Variants in CCDC60 observed in about 807,000 individuals in gnomAD.
CCDC60 encodes the protein coiled-coil domain-containing protein 60.
A neutral mutation model predicts 63.5 loss-of-function variants in CCDC60; 54 were observed. The ratio of observed to expected loss-of-function variants is 0.85; its 90% CI spans 0.68 to 1.07. The LOEUF is 1.07. CCDC60 is among the 50% of genes least tolerant of loss of function. The pLI is 0.00. For synonymous variants in CCDC60, 206 were observed against 238.8 expected, an observed-to-expected ratio of 0.86 and a Z score of 1.27; for missense variants, 651 against 684.3, an observed-to-expected ratio of 0.95 and a Z score of 0.54.
intron 2 of CCDC60, among the ~76,000 whole-genome samples, chr12:119,467,738 G>T (rs1289449583): frequency 1.3e-5 from 2 of 152,240 alleles, no homozygotes; most frequent in African/African-American, 4.8e-5. Context: ...AAAAGCAGTT[G>T]CTGTCACATC....
rs370718955 is a variant in CCDC60 at position 119,442,112 on chromosome 12, C to T, written c.170+13350C>T. ...AGGAATAGCCCCTATTTTGGCAGCT[C>T]AACTTGCAACAATTTTCTATGCATT... On this transcript the variant is annotated intron_variant, in intron 2 of 13. Coordinates refer to ENST00000327554, the MANE Select transcript of CCDC60 (RefSeq NM_178499.5). 6.6e-5 allele frequency among the ~76,000 whole-genome samples: 10 copies of T among 152,178 alleles called. No individual in the cohort carries two copies. The East Asian group carries it at 9.7e-4, about 15-fold the overall frequency.
chr12:119,508,522 T>C (rs577629232), intron 7 of CCDC60, among the ~76,000 whole-genome samples: 1 of 150,022 alleles, frequency 6.7e-6, no homozygotes, highest in Admixed American at 6.6e-5. Flanking sequence ...CAGTTGCATA[T>C]AGTATGAGCT....
At chr12:119,438,752 G>T (rs1447205988) in intron 2 of CCDC60, among the ~76,000 whole-genome samples, 1 of 152,174 alleles carries the variant, frequency 6.6e-6, no homozygotes, top group African/African-American at 2.4e-5. Flanking sequence ...GAGCTATGCA[G>T]ACAGAGAGAC....
chr12:119,400,095 G>T (rs1352452268), intron 1 of CCDC60, among the ~76,000 whole-genome samples: 1 of 147,458 alleles, frequency 6.8e-6, no homozygotes, highest in African/African-American at 2.5e-5. Context: ...TGTCGCCCAG[G>T]CTGGAGTGCA....
At chr12:119,530,740 A>G in intron 12 of CCDC60, 134 bp from the exon 13 acceptor site, 1 of 607,922 alleles carries the variant, frequency 1.6e-6, no homozygotes, top group Non-Finnish European at 2.9e-6. Flanking sequence ...TCACAGAGGA[A>G]AGGTCCCTAG....
At chr12:119,372,662 CT>C (rs1955909272) in intron 1 of CCDC60, among the ~76,000 whole-genome samples, 1 of 152,204 alleles carries the variant, frequency 6.6e-6, no homozygotes, top group Non-Finnish European at 1.5e-5. Flanking sequence ...AGAGAGATAT[CT>C]CGGTGCTTGA....
intron 1 of CCDC60, among the ~76,000 whole-genome samples, chr12:119,335,805 T>C (rs932568658): frequency 6.6e-6 from 1 of 151,412 alleles, no homozygotes; most frequent in African/African-American, 2.4e-5. Flanking sequence ...TTAGTTTAAT[T>C]AGATCCCTTT....
chr12:119,516,802 A>G, intron 8 of CCDC60, 95 bp downstream of exon 8: 1 of 762,712 alleles, frequency 1.3e-6, no homozygotes, highest in South Asian at 1.7e-5. Context: ...TTTCTCTGTG[A>G]CAGGCACTGA....
intron 1 of CCDC60, among the ~76,000 whole-genome samples, chr12:119,338,829 A>G (rs942138639): frequency 6.6e-6 from 1 of 152,116 alleles, no homozygotes; most frequent in Non-Finnish European, 1.5e-5. Flanking sequence ...GCTGCGTGGT[A>G]ATATTAAGAG....
intron 1 of CCDC60, among the ~76,000 whole-genome samples, chr12:119,373,536 C>A (rs1955919391): frequency 6.6e-6 from 1 of 152,066 alleles, no homozygotes; most frequent in Non-Finnish European, 1.5e-5. Flanking sequence ...TGTCTGTCAC[C>A]GTGGTGAGCA....
intron 2 of CCDC60, among the ~76,000 whole-genome samples, chr12:119,444,304 T>C (rs1020344144): frequency 1.3e-5 from 2 of 152,252 alleles, no homozygotes; most frequent in Admixed American, 6.5e-5. Context: ...TTCTTATTAC[T>C]ATTTATTAGA....
chr12:119,393,745 A>G (rs1363863814), intron 1 of CCDC60, among the ~76,000 whole-genome samples: 1 of 152,230 alleles, frequency 6.6e-6, no homozygotes, highest in African/African-American at 2.4e-5. Flanking sequence ...TTCAAGAGGA[A>G]AGAAATATCA....
At chr12:119,417,701 G>A (rs748464980) in intron 1 of CCDC60, among the ~76,000 whole-genome samples, 8 of 152,064 alleles carry the variant, frequency 5.3e-5, no homozygotes, top group Non-Finnish European at 8.8e-5. Context: ...ACATAGCCAG[G>A]GCCTCAACAC....
chr12:119,371,083 G>A (rs1955893051), intron 1 of CCDC60, among the ~76,000 whole-genome samples: 1 of 152,070 alleles, frequency 6.6e-6, no homozygotes, highest in African/African-American at 2.4e-5. Context: ...CTGGGCCCTG[G>A]ACCCTAATGC....
At chr12:119,457,137 GGTTC>G (rs1950763655) in intron 2 of CCDC60, among the ~76,000 whole-genome samples, 2 of 152,174 alleles carry the variant, frequency 1.3e-5, no homozygotes, top group Admixed American at 1.3e-4. Context: ...AAACACCTTA[GGTTC>G]TTCCAGCTCA....
chr12:119,363,626 G>T (rs1005357963), intron 1 of CCDC60, among the ~76,000 whole-genome samples: 32 of 152,024 alleles, frequency 2.1e-4, no homozygotes, highest in Non-Finnish European at 4.1e-4. Context: ...TTCTATCCAG[G>T]CATTCATACA....
At chr12:119,461,537 C>A (rs1950856976) in intron 2 of CCDC60, among the ~76,000 whole-genome samples, 1 of 152,202 alleles carries the variant, frequency 6.6e-6, no homozygotes, top group African/African-American at 2.4e-5. Context: ...AGCTCACACA[C>A]AGACTCCCAT....
chr12:119,442,103 T>G (rs567683014), intron 2 of CCDC60, among the ~76,000 whole-genome samples: 9 of 152,310 alleles, frequency 5.9e-5, no homozygotes, highest in African/African-American at 1.9e-4. Flanking sequence ...AGCCCCTATT[T>G]TGGCAGCTCA....
At chr12:119,422,893 G>A (rs754394025) in intron 1 of CCDC60, among the ~76,000 whole-genome samples, 1 of 152,162 alleles carries the variant, frequency 6.6e-6, no homozygotes, top group Admixed American at 6.5e-5. Flanking sequence ...TCAATGGCAA[G>A]TGAATTTCAA....
Sources: allele counts gnomAD v4.1 joint callset (sites outside exome capture counted in the v4.1 genomes callset), GRCh38; gene constraint gnomAD v4.1.1; transcripts MANE v1.5; gene names NCBI Gene and HGNC (gene_info 2026-07-23, HGNC 2026-07-21).